The following AKAP19 variants were observed in gnomAD, a reference collection of about 807,000 sequenced individuals.
The protein encoded by AKAP19 is small A-kinase anchoring protein.
At chr2:189,960,586 C>G in the AKAP19 span, among the ~76,000 whole-genome samples, 1 of 152,192 alleles carries the variant, frequency 6.6e-6, no homozygotes, top group Non-Finnish European at 1.5e-5. Context: ...AGAGAAGATT[C>G]ATTCTGGCTT....
At chr2:189,917,658 A>G in the AKAP19 span, 4 of 308,438 alleles carry the variant, frequency 1.3e-5, no homozygotes, top group Non-Finnish European at 1.8e-5. Context: ...TTCAGTTTCT[A>G]TTTCGGTATC....
At chr2:190,125,626 A>G in the AKAP19 span, among the ~76,000 whole-genome samples, 1 of 152,182 alleles carries the variant, frequency 6.6e-6, no homozygotes, top group African/African-American at 2.4e-5. Flanking sequence ...CCGTTTATGA[A>G]AAACAGTCCG....
chr2:190,076,824 A>G, the AKAP19 span, among the ~76,000 whole-genome samples: 2 of 152,196 alleles, frequency 1.3e-5, no homozygotes, highest in East Asian at 3.8e-4. Context: ...TTTTCATTAA[A>G]TTTGGAAAAA....
the AKAP19 span, chr2:190,060,489 C>T: frequency 1.3e-6 from 2 of 1,504,342 alleles, no homozygotes; most frequent in Non-Finnish European, 1.8e-6. Flanking sequence ...ATTAACAAAA[C>T]CCCTCCATAT....
the AKAP19 span, among the ~76,000 whole-genome samples, chr2:189,933,604 T>G: frequency 3.6e-4 from 55 of 152,286 alleles, 1 homozygote; most frequent in East Asian, 6.2e-3. Flanking sequence ...CTACAAAAAT[T>G]AAATTGCTTT....
the AKAP19 span, among the ~76,000 whole-genome samples, chr2:190,070,458 A>C: frequency 5.9e-5 from 9 of 152,040 alleles, no homozygotes; most frequent in Non-Finnish European, 1.0e-4. Context: ...AAAAAAAAAA[A>C]AACTTTCATT....
the AKAP19 span, among the ~76,000 whole-genome samples, chr2:190,090,363 G>A: frequency 1.3e-5 from 2 of 152,228 alleles, no homozygotes; most frequent in East Asian, 3.9e-4. Context: ...CTTCTGCCTT[G>A]GTCTCTTGGA....
chr2:190,074,253 A>G, the AKAP19 span, among the ~76,000 whole-genome samples: 2 of 152,338 alleles, frequency 1.3e-5, no homozygotes, highest in African/African-American at 4.8e-5. Flanking sequence ...ATAGCTAGGT[A>G]AATTTTTATA....
chr2:190,052,358 T>G, the AKAP19 span, among the ~76,000 whole-genome samples: 30 of 152,340 alleles, frequency 2.0e-4, no homozygotes, highest in East Asian at 5.6e-3. Flanking sequence ...AATTTTGATT[T>G]TCTGCCATAG....
the AKAP19 span, among the ~76,000 whole-genome samples, chr2:190,121,732 A>C: frequency 4.4e-4 from 67 of 151,408 alleles, no homozygotes; most frequent in Non-Finnish European, 1.3e-4. Context: ...TAGACTTTTC[A>C]AAGGAATCAG....
At chr2:190,023,795 G>A in the AKAP19 span, among the ~76,000 whole-genome samples, 1 of 142,834 alleles carries the variant, frequency 7.0e-6, no homozygotes, top group East Asian at 2.0e-4. Context: ...ATGTGTGTGT[G>A]TATATATATA....
chr2:190,151,208 A>AT, the AKAP19 span, among the ~76,000 whole-genome samples: 54 of 151,984 alleles, frequency 3.6e-4, no homozygotes, highest in Non-Finnish European at 6.6e-4. Context: ...TGCTATCCAG[A>AT]TTTTTTTTAA....
chr2:189,961,805 G>C, the AKAP19 span, among the ~76,000 whole-genome samples: 2 of 151,878 alleles, frequency 1.3e-5, no homozygotes, highest in African/African-American at 2.4e-5. Context: ...CCAGCTACTC[G>C]GGAGGCTGAG....
the AKAP19 span, among the ~76,000 whole-genome samples, chr2:189,927,502 T>C: frequency 3.9e-5 from 6 of 152,212 alleles, no homozygotes; most frequent in Non-Finnish European, 4.4e-5. Flanking sequence ...TGTGCGATAA[T>C]GGTAGACTTA....
At chr2:189,932,765 C>G in the AKAP19 span, among the ~76,000 whole-genome samples, 1 of 151,054 alleles carries the variant, frequency 6.6e-6, no homozygotes, top group Non-Finnish European at 1.5e-5. Flanking sequence ...CTACATTATC[C>G]TAGATTTGAC....
chr2:190,202,509 T>C, the AKAP19 span: 2 of 167,100 alleles, frequency 1.2e-5, no homozygotes, highest in Admixed American at 6.5e-5. Flanking sequence ...TATCATGGTA[T>C]GGCCTTCATG....
At chr2:190,025,821 G>A in the AKAP19 span, among the ~76,000 whole-genome samples, 1 of 152,254 alleles carries the variant, frequency 6.6e-6, no homozygotes, top group South Asian at 2.1e-4. Flanking sequence ...AGTCCCTATA[G>A]CTTTACCTTT....
chr2:190,135,009 G>A, the AKAP19 span, among the ~76,000 whole-genome samples: 1 of 151,992 alleles, frequency 6.6e-6, no homozygotes, highest in Admixed American at 6.6e-5. Context: ...TTTTAACAGG[G>A]TCTTCACTGA....
At chr2:189,999,582 A>T in the AKAP19 span, among the ~76,000 whole-genome samples, 3 of 152,160 alleles carry the variant, frequency 2.0e-5, no homozygotes, top group Admixed American at 2.0e-4. Context: ...GGCTTTCTTT[A>T]GACTTTTTTT....
Sources: gnomAD v4.1 joint callset for allele counts (sites outside exome capture counted in the v4.1 genomes callset) on GRCh38, gnomAD v4.1.1 for gene constraint, MANE v1.5 for transcripts, NCBI Gene and HGNC (gene_info 2026-07-23, HGNC 2026-07-21) for gene names.